IGF2BP3: variants seen among roughly 807,000 people sequenced by gnomAD.
The protein encoded by IGF2BP3 is insulin-like growth factor 2 mRNA-binding protein 3.
A neutral mutation model predicts 73.8 loss-of-function variants in IGF2BP3; 9 were observed. The ratio of observed to expected loss-of-function variants is 0.12; its 90% CI spans 0.07 to 0.21. The LOEUF is 0.21. Among genes scored for constraint, IGF2BP3 ranks in the 10% least tolerant of loss-of-function variants. The probability of loss-of-function intolerance (pLI) is 1.00; values close to 1 mark genes in which losing one functional copy is unlikely to be tolerated. For synonymous variants in IGF2BP3, 258 were observed against 256.7 expected, an observed-to-expected ratio of 1.01 and a Z score of -0.05; for missense variants, 542 against 714.0, an observed-to-expected ratio of 0.76 and a Z score of 2.75.
At chr7:23,374,862 G>A (rs1318450829) in intron 3 of IGF2BP3, among the ~76,000 whole-genome samples, 1 of 152,060 alleles carries the variant, frequency 6.6e-6, no homozygotes, top group East Asian at 1.9e-4. Flanking sequence ...GTGTCTGGGG[G>A]AGACATCACA....
chr7:23,408,508 TG>T (rs1786917891), intron 3 of IGF2BP3, among the ~76,000 whole-genome samples: 2 of 152,218 alleles, frequency 1.3e-5, no homozygotes, highest in Admixed American at 1.3e-4. Context: ...TAACAAGTGT[TG>T]AAGTGGACAT....
At chr7:23,374,186 C>T (rs1345499808) in intron 3 of IGF2BP3, among the ~76,000 whole-genome samples, 2 of 152,176 alleles carry the variant, frequency 1.3e-5, no homozygotes, top group Non-Finnish European at 2.9e-5. Context: ...TTCATGGGAG[C>T]ATTATTCAAA....
intron 3 of IGF2BP3, among the ~76,000 whole-genome samples, chr7:23,411,414 TC>T (rs1366284566): frequency 1.3e-5 from 2 of 152,086 alleles, no homozygotes; most frequent in African/African-American, 4.8e-5. Context: ...AAACCCCGTC[TC>T]TACTAAAAAT....
intron 2 of IGF2BP3, among the ~76,000 whole-genome samples, chr7:23,427,298 T>C (rs553946950): frequency 2.6e-4 from 39 of 152,332 alleles, no homozygotes; most frequent in African/African-American, 8.9e-4. Flanking sequence ...CGTGAATTTC[T>C]TGGAGGTCCC....
At chr7:23,412,863 T>C (rs1787070582) in intron 3 of IGF2BP3, among the ~76,000 whole-genome samples, 1 of 125,972 alleles carries the variant, frequency 7.9e-6, no homozygotes, top group South Asian at 2.9e-4. Flanking sequence ...TTTTTTTTTT[T>C]TTTTTTTTTT....
rs564504675 is a variant in IGF2BP3 at position 23,449,284 on chromosome 7, G to A, written c.236+19198C>T. On this transcript the variant is annotated intron_variant, in intron 2 of 14. Coordinates refer to ENST00000258729, the MANE Select transcript of IGF2BP3 (RefSeq NM_006547.3). ...TGAAATCCCAGCACTTTGGGAGACC[G>A]AGGCGGGCAGATCACGAAGTCAAGA... Among the ~76,000 whole-genome samples, 254 of 152,026 alleles carry A rather than the reference G, an allele frequency of 1.7e-3. 1 individual carries two copies. Among genetic ancestry groups the A allele is most frequent in the Non-Finnish European group, 3.0e-3 (204 of 67,990 alleles).
At chr7:23,370,899 G>T (rs892044178) in intron 3 of IGF2BP3, among the ~76,000 whole-genome samples, 4 of 151,722 alleles carry the variant, frequency 2.6e-5, no homozygotes, top group African/African-American at 9.7e-5. Flanking sequence ...GGCTGGTCTC[G>T]AACTCCTGAC....
At chr7:23,429,566 A>C (rs1326694455) in intron 2 of IGF2BP3, among the ~76,000 whole-genome samples, 1 of 152,260 alleles carries the variant, frequency 6.6e-6, no homozygotes, top group Non-Finnish European at 1.5e-5. Context: ...TATAGATTGC[A>C]CATGAAATTC....
intron 2 of IGF2BP3, among the ~76,000 whole-genome samples, chr7:23,443,066 G>T (rs6957923): frequency 6.8e-6 from 1 of 146,152 alleles, no homozygotes; most frequent in African/African-American, 2.5e-5. Flanking sequence ...AAAGTAAACC[G>T]TATCAATCAG....
At chr7:23,354,119 G>C (rs1196841815) in intron 5 of IGF2BP3, among the ~76,000 whole-genome samples, 1 of 152,130 alleles carries the variant, frequency 6.6e-6, no homozygotes, top group Non-Finnish European at 1.5e-5. Flanking sequence ...TCGGCCTCCT[G>C]AGTAGCTGGG....
chr7:23,406,067 TA>T (rs35605892), intron 3 of IGF2BP3, among the ~76,000 whole-genome samples: 33,717 of 138,874 alleles, frequency 0.24, 3,876 homozygotes, highest in Middle Eastern at 0.31. Context: ...ATTTTCTGAT[TA>T]AAAAAAAAAA....
intron 5 of IGF2BP3, among the ~76,000 whole-genome samples, chr7:23,352,278 ATTTTTTTTTTTTTTTTTTT>A (rs70966011): frequency 1.4e-5 from 1 of 73,760 alleles, no homozygotes; most frequent in East Asian, 4.7e-4. Flanking sequence ...TCTCTTTTTC[ATTTTTTTTTTTTTTTTTTT>A]TTTTTTTTGG....
At chr7:23,443,534 C>T (rs578246555) in intron 2 of IGF2BP3, among the ~76,000 whole-genome samples, 2 of 152,058 alleles carry the variant, frequency 1.3e-5, no homozygotes, top group South Asian at 2.1e-4. Flanking sequence ...GGTGTGGTGG[C>T]ATGCACCTGT....
chr7:23,345,893 T>C, intron 8 of IGF2BP3, 47 bp downstream of exon 8: 2 of 1,596,526 alleles, frequency 1.3e-6, no homozygotes, highest in South Asian at 1.1e-5. Flanking sequence ...AACATGCAGC[T>C]TACAGTGTTG....
At chr7:23,404,659 C>T (rs1476879681) in intron 3 of IGF2BP3, among the ~76,000 whole-genome samples, 1 of 151,802 alleles carries the variant, frequency 6.6e-6, no homozygotes, top group African/African-American at 2.4e-5. Flanking sequence ...CTTTCTCATC[C>T]CCACATGGAA....
chr7:23,386,748 A>C (rs1406264189), intron 3 of IGF2BP3, among the ~76,000 whole-genome samples: 3 of 151,990 alleles, frequency 2.0e-5, no homozygotes, highest in African/African-American at 7.2e-5. Context: ...AAACTAACAA[A>C]TACTATTTCA....
At chr7:23,432,638 ATT>A (rs201185940) in intron 2 of IGF2BP3, among the ~76,000 whole-genome samples, 43 of 144,324 alleles carry the variant, frequency 3.0e-4, no homozygotes, top group Non-Finnish European at 2.6e-4. Context: ...TCATTTTTTA[ATT>A]TTTTTTTTTT....
At chr7:23,411,567 G>C (rs921251111) in intron 3 of IGF2BP3, among the ~76,000 whole-genome samples, 1 of 152,202 alleles carries the variant, frequency 6.6e-6, no homozygotes, top group Non-Finnish European at 1.5e-5. Context: ...GGCAACAAGT[G>C]TGAAATGCTG....
At chr7:23,376,008 C>G (rs1240686147) in intron 3 of IGF2BP3, among the ~76,000 whole-genome samples, 2 of 152,206 alleles carry the variant, frequency 1.3e-5, no homozygotes, top group Non-Finnish European at 2.9e-5. Context: ...ATGAGCAGTT[C>G]TCAACATCCC....
Sources: gnomAD v4.1 joint callset for allele counts (sites outside exome capture counted in the v4.1 genomes callset) on GRCh38, gnomAD v4.1.1 for gene constraint, MANE v1.5 for transcripts, NCBI Gene and HGNC (gene_info 2026-07-23, HGNC 2026-07-21) for gene names.